COL27A1: variants seen among roughly 807,000 people sequenced by gnomAD.
COL27A1 encodes the protein collagen type XXVII alpha 1 chain.
Under a neutral mutation model 251.3 loss-of-function variants are expected in COL27A1, and 106 were observed. That is an observed-to-expected ratio of 0.42 (90% CI 0.36 to 0.50). COL27A1 has a LOEUF of 0.50. Ranked by LOEUF, COL27A1 falls within the 20% of genes least tolerant of loss-of-function variation. The probability of loss-of-function intolerance (pLI) is 0.00; values close to 1 mark genes in which losing one functional copy is unlikely to be tolerated. For synonymous variants in COL27A1, 1,000 were observed against 986.3 expected, an observed-to-expected ratio of 1.01 and a Z score of -0.26; for missense variants, 2,325 against 2,522.8, an observed-to-expected ratio of 0.92 and a Z score of 1.68.
At chr9:114,295,395 A>G (rs911155920) in intron 49 of COL27A1, among the ~76,000 whole-genome samples, 1 of 152,234 alleles carries the variant, frequency 6.6e-6, no homozygotes, top group African/African-American at 2.4e-5. Flanking sequence ...CACAATTCCA[A>G]TGTAAAGCTT....
chr9:114,165,870 C>G (rs1051944979), intron 2 of COL27A1, among the ~76,000 whole-genome samples: 1 of 151,110 alleles, frequency 6.6e-6, no homozygotes, highest in Non-Finnish European at 1.5e-5. Flanking sequence ...ATCCATCAAT[C>G]CATCCACCAA....
chr9:114,158,293 G>GA (rs1436874548), intron 1 of COL27A1, among the ~76,000 whole-genome samples: 1 of 152,234 alleles, frequency 6.6e-6, no homozygotes, highest in African/African-American at 2.4e-5. Context: ...TGAAGCTGGT[G>GA]TGGGTTTCTA....
At chr9:114,213,307 C>T (rs1830486558) in intron 12 of COL27A1, among the ~76,000 whole-genome samples, 1 of 152,172 alleles carries the variant, frequency 6.6e-6, no homozygotes, top group Admixed American at 6.5e-5. Context: ...TCTGCATCCT[C>T]CTCATCTCCC....
At position 114,292,155 on chromosome 9, in the gene COL27A1, A is replaced by G. The variant is rs1292684431; in HGVS notation, c.4529A>G (p.Glu1510Gly). 2 of 1,562,390 alleles carry G rather than the reference A, an allele frequency of 1.3e-6. No homozygotes were observed. Among genetic ancestry groups the G allele is most frequent in the Admixed American group, 3.8e-5 (2 of 52,356 alleles). The change falls in exon 49 of 61, where the codon GAG becomes GGG. Residue 1510 changes from glutamate (E) to glycine (G), a missense_variant. By Grantham distance (98) the Glu-to-Gly change is moderately conservative. Around this residue, in one of 4 missense-constraint regions of COL27A1, gnomAD observed 153 missense variants for 140.7 expected, o/e 1.09. Transcript: ENST00000356083. ...GGTCCCCCTGGCAAGCGAGGAACAG[A>G]GGGCAGAACGGGGCTCCCTGGAAAC... ...QLGPPGKRGT[E>G]GRTGLPGNQG...
chr9:114,183,820 G>A (rs1828130088), intron 5 of COL27A1, among the ~76,000 whole-genome samples: 2 of 152,136 alleles, frequency 1.3e-5, no homozygotes, highest in African/African-American at 2.4e-5. Flanking sequence ...CTCCCCCAGG[G>A]AGTCTTCTTG....
At chr9:114,283,663 T>G in intron 39 of COL27A1, 46 bp from the exon 40 acceptor site, 1 of 1,580,910 alleles carries the variant, frequency 6.3e-7, no homozygotes, top group Non-Finnish European at 8.7e-7. Context: ...GTGTCCCCGC[T>G]GTGAGAGCCA....
chr9:114,155,877 C>A lies in COL27A1; in HGVS notation c.-74C>A. The A allele has an allele frequency of 9.2e-7, 1 of 1,090,398 alleles. No individual in the cohort carries two copies. The highest frequency in any genetic ancestry group is 1.1e-6 in the Non-Finnish European group (1 of 891,676). 67.5% of individuals were successfully genotyped at this position (1,090,398 alleles called of 1,614,324 possible). A position where few individuals can be genotyped will look rare whatever the true frequency, so the allele number is the denominator to read the frequency against. The stretch of plus-strand genomic sequence containing the variant: ...TCTAAGCCGGCCTGGCGCGGCGGGG[C>A]GGGGGGCTGGCGGCCCCATGGGGCG... On this transcript the variant is annotated 5_prime_UTR_variant, in exon 1 of 61. Coordinates refer to ENST00000356083, the MANE Select transcript of COL27A1 (RefSeq NM_032888.4). This position sits in a 1 kb window ranked among gnomAD's most constrained non-coding sequence, Gnocchi z 5.5.
chr9:114,209,017 A>T (rs1365868795), intron 10 of COL27A1, among the ~76,000 whole-genome samples: 1 of 152,084 alleles, frequency 6.6e-6, no homozygotes, highest in Non-Finnish European at 1.5e-5. Flanking sequence ...TGACCCTTGA[A>T]CTGATTAGGA....
chr9:114,291,480 T>C (rs1220780267), intron 48 of COL27A1, among the ~76,000 whole-genome samples: 1 of 152,172 alleles, frequency 6.6e-6, no homozygotes, highest in Non-Finnish European at 1.5e-5. Context: ...GGCCACACAG[T>C]GGCTCACACC....
chr9:114,302,551 A>T (rs1828722541), intron 56 of COL27A1, among the ~76,000 whole-genome samples: 1 of 152,026 alleles, frequency 6.6e-6, no homozygotes, highest in African/African-American at 2.4e-5. Flanking sequence ...ACATGGTGAA[A>T]CCCTGTCTCT....
At chr9:114,205,233 C>G in intron 8 of COL27A1, 87 bp downstream of exon 8, 1 of 1,276,098 alleles carries the variant, frequency 7.8e-7, no homozygotes. Flanking sequence ...AGATCCTGCT[C>G]TGTGAGCCAG....
At position 114,183,033 on chromosome 9, in the gene COL27A1, G is replaced by A. The variant is rs751336676; in HGVS notation, c.1974G>A (p.Gly658=). 6.2e-7 allele frequency: 1 copy of A among 1,613,730 alleles called. No homozygotes were observed. The highest frequency in any genetic ancestry group is 1.1e-5 in the South Asian group (1 of 91,020). Residue 658 remains glycine, a synonymous_variant, in exon 5 of 61, where the codon GGG becomes GGA. Coordinates refer to ENST00000356083, the MANE Select transcript of COL27A1 (RefSeq NM_032888.4). ...CTTGTCTCTTTCAGGGTCCTCCTGG[G>A]CCTTATGGAAATCCAGGTCTCCCCG... The part of the protein sequence containing the change: ...PGARGPRGPP[G]PYGNPGLPGP...
intron 24 of COL27A1, among the ~76,000 whole-genome samples, chr9:114,249,414 A>G (rs1833371366): frequency 6.6e-6 from 1 of 152,190 alleles, no homozygotes; most frequent in East Asian, 1.9e-4. Context: ...GCGTAGTGCC[A>G]GCGTGGTGCT....
intron 12 of COL27A1, among the ~76,000 whole-genome samples, chr9:114,217,190 T>C (rs1362615530): frequency 2.0e-5 from 3 of 152,146 alleles, no homozygotes; most frequent in African/African-American, 7.2e-5. Flanking sequence ...TCTGCAGAGG[T>C]TACTCCCCTC....
chr9:114,254,490 G>A (rs1416167572), intron 27 of COL27A1, among the ~76,000 whole-genome samples: 5 of 152,170 alleles, frequency 3.3e-5, no homozygotes, highest in Admixed American at 6.5e-5. Flanking sequence ...AAAGCCAGGG[G>A]TCAGGGCTGG....
rs1849067227 is a variant in COL27A1, at chr9:114,168,512, A to G, written c.957A>G (p.Gln319=). 1 of 1,613,858 alleles carries G rather than the reference A, an allele frequency of 6.2e-7. No homozygotes were observed. The highest frequency in any genetic ancestry group is 1.7e-5 in the Admixed American group (1 of 60,010). ...ATATGGCGGTGGGAGGCCCAGCCCA[A>G]ACCCCGCTGCTACCTGCCAAGCTGT... ...HQHMAVGGPA[Q]TPLLPAKLSA... Residue 319 remains glutamine, a synonymous_variant, in exon 3 of 61, where the codon CAA becomes CAG. Transcript: ENST00000356083.
At chr9:114,237,571 C>T (rs1199494935) in intron 18 of COL27A1, 91 bp from the exon 19 acceptor site, 1 of 1,099,048 alleles carries the variant, frequency 9.1e-7, no homozygotes, top group Non-Finnish European at 1.4e-6. Context: ...TCTGAACTTT[C>T]CAACCATCCA....
intron 7 of COL27A1, among the ~76,000 whole-genome samples, chr9:114,197,484 G>A (rs76527721): frequency 0.019 from 2,874 of 152,286 alleles, 88 homozygotes; most frequent in African/African-American, 0.058. Context: ...GGGCTCTAGC[G>A]CTTTCTGATG....
chr9:114,168,146 C>T lies in COL27A1; in HGVS notation c.591C>T (p.Phe197=). 6.2e-7 allele frequency: 1 copy of T among 1,613,426 alleles called. No individual in the cohort carries two copies. Among genetic ancestry groups the T allele is most frequent in the Non-Finnish European group, 8.5e-7 (1 of 1,180,030 alleles). The change falls in exon 3 of 61, where the codon TTC becomes TTT. Residue 197 remains phenylalanine, a synonymous_variant. Coordinates refer to ENST00000356083, the MANE Select transcript of COL27A1 (RefSeq NM_032888.4). ...CTGCACTCGACCCTGGGGGCTCCTT[C>T]CTCTTTGGGAAGATGAACCCGCATG... ...RDPALDPGGS[F]LFGKMNPHAV... is the part of the protein sequence containing the mutation.
Sources: gnomAD v4.1 joint callset for allele counts (sites outside exome capture counted in the v4.1 genomes callset) on GRCh38, gnomAD v4.1.1 for gene constraint, gnomAD v4.1.1 regional missense constraint, Gnocchi (gnomAD v3.1) non-coding constraint, MANE v1.5 for transcripts, NCBI Gene and HGNC (gene_info 2026-07-23, HGNC 2026-07-21) for gene names.